GTF3C1: variants seen among roughly 807,000 people sequenced by gnomAD.
GTF3C1 encodes the protein general transcription factor 3C polypeptide 1.
A neutral mutation model predicts 226.7 loss-of-function variants in GTF3C1; 57 were observed. The ratio of observed to expected loss-of-function variants is 0.25; its 90% CI spans 0.20 to 0.31. GTF3C1 has a LOEUF of 0.31. Among genes scored for constraint, GTF3C1 ranks in the 10% least tolerant of loss-of-function variants. The pLI is 1.00. For synonymous variants in GTF3C1, 1,090 were observed against 1,084.8 expected, an observed-to-expected ratio of 1.00 and a Z score of -0.09; for missense variants, 2,217 against 2,776.1, an observed-to-expected ratio of 0.80 and a Z score of 4.53.
intron 25 of GTF3C1, 73 bp from the exon 26 acceptor site, chr16:27,483,198 C>T: frequency 7.0e-7 from 1 of 1,434,408 alleles, no homozygotes; most frequent in African/African-American, 1.4e-5. Context: ...TCAGAGAGCT[C>T]CATTCTCATG....
chr16:27,483,268 G>T, intron 25 of GTF3C1, 143 bp from the exon 26 acceptor site: 1 of 780,516 alleles, frequency 1.3e-6, no homozygotes, highest in Non-Finnish European at 2.2e-6. Context: ...CACAACTGCA[G>T]CTTTTACGAA....
At position 27,511,843 on chromosome 16, in the gene GTF3C1, A is replaced by G. The variant is rs143775907; in HGVS notation, c.1032T>C (p.His344=). The G allele has an allele frequency of 4.2e-5, 68 of 1,614,152 alleles. 1 individual carries two copies. In the African/African-American group the frequency reaches 5.6e-4, roughly 13 times the overall value. The stretch of plus-strand genomic sequence containing the variant: ...TGACCTCCTCGTCCTCGTCATCATC[A>G]TGGTCATTCCGTTTAAATTCCTTCA... The part of the protein sequence containing the change: ...KLLKEFKRND[H]DDDEDEEVIS... Residue 344 remains histidine, a synonymous_variant, in exon 7 of 37, where the codon CAT becomes CAC. Coordinates refer to ENST00000356183, the MANE Select transcript of GTF3C1 (RefSeq NM_001520.4).
chr16:27,469,475 G>A lies in GTF3C1; in HGVS notation c.4890C>T (p.Arg1630=). 1 of 1,614,212 alleles carries A rather than the reference G, an allele frequency of 6.2e-7. No individual in the cohort carries two copies. Among genetic ancestry groups the A allele is most frequent in the Non-Finnish European group, 8.5e-7 (1 of 1,180,018 alleles). The change falls in exon 32 of 37, where the codon CGC becomes CGT. Residue 1630 remains arginine, a synonymous_variant. Coordinates refer to ENST00000356183, the MANE Select transcript of GTF3C1 (RefSeq NM_001520.4). This position sits in a 1 kb window ranked among gnomAD's most constrained non-coding sequence, Gnocchi z 4.5. ...DDLDEGVGGK[R]RSMEVKPAQA... The stretch of plus-strand genomic sequence containing the variant: ...GCGCAGGTTTCACCTCCATGCTCCG[G>A]CGCTTGCCCCCTACACCTTCGTCCA...
chr16:27,478,810 G>T (rs778460755), intron 27 of GTF3C1, among the ~76,000 whole-genome samples: 7 of 150,108 alleles, frequency 4.7e-5, no homozygotes, highest in Non-Finnish European at 7.4e-5. Flanking sequence ...ACTGTTAATT[G>T]TAAGAGGAAC....
intron 27 of GTF3C1, among the ~76,000 whole-genome samples, chr16:27,480,326 G>T (rs942670626): frequency 6.6e-6 from 1 of 152,094 alleles, no homozygotes; most frequent in African/African-American, 2.4e-5. Flanking sequence ...GAATTCTGGG[G>T]AACAGTCTAC....
At chr16:27,510,454 G>A in intron 7 of GTF3C1, among the ~76,000 whole-genome samples, 1 of 152,142 alleles carries the variant, frequency 6.6e-6, no homozygotes, top group Non-Finnish European at 1.5e-5. Flanking sequence ...CTACTTGGGA[G>A]GCTGAGGCAG....
chr16:27,544,883 T>C (rs1305957272), intron 2 of GTF3C1, among the ~76,000 whole-genome samples: 1 of 152,070 alleles, frequency 6.6e-6, no homozygotes, highest in Non-Finnish European at 1.5e-5. Context: ...GCAGGGCTAG[T>C]GAACTCTGAC....
In GTF3C1 at chr16:27,507,216, C is replaced by T. The variant is rs182962708; in HGVS notation, c.1243-60G>A. 633 of 1,270,430 alleles carry T rather than the reference C, an allele frequency of 5.0e-4. 1 individual carries two copies. Among genetic ancestry groups the T allele is most frequent in the Admixed American group, 1.5e-3 (72 of 49,194 alleles). The allele number at this position is 1,270,430 out of a possible 1,614,324, so 78.7% of individuals were successfully genotyped here. On this transcript the variant is annotated intron_variant, in intron 8 of 36. Coordinates refer to ENST00000356183, the MANE Select transcript of GTF3C1 (RefSeq NM_001520.4). This position sits in a 1 kb window ranked among gnomAD's most constrained non-coding sequence, Gnocchi z 4.9. ...AGAGGGCGTCATACCCACAGGGGTT[C>T]AGGTGGTCTGTGGCATCTATTTCCT...
Position 27,480,180 on chromosome 16 carries a change from G to C in GTF3C1, c.4196+899C>G, listed in dbSNP as rs557367933. 3.1e-4 allele frequency among the ~76,000 whole-genome samples: 47 copies of C among 150,450 alleles called. 1 individual carries two copies. The highest frequency in any genetic ancestry group is 2.0e-3 in the Admixed American group (31 of 15,150). ...TGTGCCACTGCACTCCAGCCCGGGG[G>C]GCCGGGGTGAGACTCCATCTCAAAA... is the stretch of plus-strand genomic sequence containing the variant. On this transcript the variant is annotated intron_variant, in intron 27 of 36. Coordinates refer to ENST00000356183, the MANE Select transcript of GTF3C1 (RefSeq NM_001520.4).
At chr16:27,482,410 T>G (rs1596622715) in intron 26 of GTF3C1, 1 of 448,624 alleles carries the variant, frequency 2.2e-6, no homozygotes, top group East Asian at 7.0e-5. Context: ...AAAGCATTGC[T>G]GAGCCTCCTC....
intron 4 of GTF3C1, among the ~76,000 whole-genome samples, chr16:27,537,207 G>C (rs917169202): frequency 3.9e-5 from 6 of 152,110 alleles, no homozygotes; most frequent in African/African-American, 1.4e-4. Context: ...AATCAAATCT[G>C]ACTTACTTGT....
chr16:27,491,841 C>T (rs1172441896), intron 19 of GTF3C1, among the ~76,000 whole-genome samples: 2 of 152,178 alleles, frequency 1.3e-5, no homozygotes, highest in Non-Finnish European at 2.9e-5. Context: ...CCAGCTCTGG[C>T]CCTGGCTGGC....
intron 23 of GTF3C1, among the ~76,000 whole-genome samples, chr16:27,487,771 C>T (rs962904920): frequency 6.6e-6 from 1 of 152,076 alleles, no homozygotes; most frequent in Non-Finnish European, 1.5e-5. Flanking sequence ...CCAGCCTGGG[C>T]AACAGAGTGA....
intron 23 of GTF3C1, among the ~76,000 whole-genome samples, chr16:27,487,997 T>C (rs2088169044): frequency 6.6e-6 from 1 of 151,970 alleles, no homozygotes; most frequent in Non-Finnish European, 1.5e-5. Context: ...CTCTAAAAGA[T>C]ACAAAGGCGG....
In GTF3C1 at chr16:27,501,298, T is replaced by C. The variant is rs1567400208; in HGVS notation, c.1954A>G (p.Thr652Ala). ...MDQEKQEGVS[T>A]KCCKKSIVRL... ...ACAATGGACTTCTTGCAGCACTTGG[T>C]GGACACGCCTTCCTGCTTCTCCTGA... is the stretch of plus-strand genomic sequence containing the variant. Residue 652 changes from threonine to alanine, a missense_variant, in exon 12 of 37, where the codon ACC (threonine) becomes GCC (alanine). By Grantham distance (58) the Thr-to-Ala change is moderately conservative. This residue lies in a region of GTF3C1 where 52 missense variants were observed against 110.8 expected (regional missense o/e 0.47). Transcript: ENST00000356183. 6.2e-7 allele frequency: 1 copy of C among 1,614,024 alleles called. No homozygotes were observed. The highest frequency in any genetic ancestry group is 8.5e-7 in the Non-Finnish European group (1 of 1,179,994).
rs1327956708 is a variant in GTF3C1, at chr16:27,489,821, GGAA to G, written c.3152-81_3152-79del. The G allele has an allele frequency of 1.4e-5, 20 of 1,462,448 alleles. No individual in the cohort carries two copies. In the Admixed American group the frequency reaches 3.7e-4, roughly 27 times the overall value. 90.6% of individuals were successfully genotyped at this position (1,462,448 alleles called of 1,614,324 possible). A position where few individuals can be genotyped will look rare whatever the true frequency, so the allele number is the denominator to read the frequency against. ...GTGGCTACTACCTCTGGCTGGGTGG[GGAA>G]GAAGAGTGGATTCCCTGCCTGTGAA... On this transcript the variant is annotated intron_variant, in intron 19 of 36. Transcript: ENST00000356183.
Position 27,461,878 on chromosome 16 carries a change from G to C in GTF3C1, c.6118-316C>G. On this transcript the variant is annotated intron_variant, in intron 36 of 36. Coordinates refer to ENST00000356183, the MANE Select transcript of GTF3C1 (RefSeq NM_001520.4). This position sits in a 1 kb window ranked among gnomAD's most constrained non-coding sequence, Gnocchi z 5.3. Reference sequence around the variant, plus strand: ...GTGAGCCAAGACTGGCTTCCAGGTGGGGTTTTGTTTGGCTCATGGGGAATT... The same window carrying C: ...GTGAGCCAAGACTGGCTTCCAGGTGCGGTTTTGTTTGGCTCATGGGGAATT... 2.4e-6 allele frequency: 1 copy of C among 413,418 alleles called. No homozygotes were observed. Among genetic ancestry groups the C allele is most frequent in the Middle Eastern group, 6.5e-4 (1 of 1,532 alleles). The allele number at this position is 413,418 out of a possible 1,614,324, so 25.6% of individuals were successfully genotyped here.
At chr16:27,528,517 CAG>C (rs1246978929) in intron 6 of GTF3C1, 79 bp downstream of exon 6, 678 of 1,054,348 alleles carry the variant, frequency 6.4e-4, no homozygotes, top group Middle Eastern at 1.2e-3. Context: ...AGAATGTGAT[CAG>C]AGAGAGAGAG....
In GTF3C1 at chr16:27,479,286, T is replaced by C. The variant is rs2088002664; in HGVS notation, c.4197-755A>G. ...TATGAAAATCCCCAAAGAGTAGCCA[T>C]ATTAGGTGTTGGAATTACAAACCAT... On this transcript the variant is annotated intron_variant, in intron 27 of 36. Coordinates refer to ENST00000356183, the MANE Select transcript of GTF3C1 (RefSeq NM_001520.4). 3.3e-5 allele frequency among the ~76,000 whole-genome samples: 5 copies of C among 151,846 alleles called. No individual in the cohort carries two copies. In the South Asian group the frequency reaches 1.0e-3, roughly 32 times the overall value.
Sources: gnomAD v4.1 joint callset for allele counts (sites outside exome capture counted in the v4.1 genomes callset) on GRCh38, gnomAD v4.1.1 for gene constraint, gnomAD v4.1.1 regional missense constraint, Gnocchi (gnomAD v3.1) non-coding constraint, MANE v1.5 for transcripts, NCBI Gene and HGNC (gene_info 2026-07-23, HGNC 2026-07-21) for gene names.